Variants in GPC5 observed in about 807,000 individuals in gnomAD.
GPC5 encodes glypican 5, also known as glypican-5.
In GPC5, 47 loss-of-function variants were observed where a neutral mutation model predicts 53.9. The ratio of observed to expected loss-of-function variants is 0.87; its 90% CI spans 0.69 to 1.11. The LOEUF (loss-of-function observed/expected upper bound fraction) is 1.11. Ranked by LOEUF, GPC5 falls within the 50% of genes most tolerant of loss-of-function variation. The pLI is 0.00. For synonymous variants in GPC5, 286 were observed against 263.3 expected (o/e 1.09, Z -0.84); for missense variants, 748 against 713.1 (o/e 1.05, Z -0.56).
chr13:92,345,087 ATGTT>A (rs1426037974), intron 7 of GPC5, among the ~76,000 whole-genome samples: 2 of 152,194 alleles, frequency 1.3e-5, no homozygotes, highest in Non-Finnish European at 2.9e-5. Flanking sequence ...CAAGAGAAAA[ATGTT>A]AGTAATATTA....
chr13:92,069,252 CTG>C (rs1364109148), intron 6 of GPC5, among the ~76,000 whole-genome samples: 1 of 151,948 alleles, frequency 6.6e-6, no homozygotes, highest in African/African-American at 2.4e-5. Flanking sequence ...ACAAACAACA[CTG>C]AATTAATATA....
intron 2 of GPC5, among the ~76,000 whole-genome samples, chr13:91,661,763 G>A (rs1473506286): frequency 6.6e-6 from 1 of 152,144 alleles, no homozygotes; most frequent in African/African-American, 2.4e-5. Context: ...TTAAAGGACT[G>A]TAAGGAAGCC....
At chr13:92,788,387 C>T (rs1233332310) in intron 7 of GPC5, among the ~76,000 whole-genome samples, 1 of 151,852 alleles carries the variant, frequency 6.6e-6, no homozygotes, top group Non-Finnish European at 1.5e-5. Flanking sequence ...AAAAATTGAC[C>T]ATATTATAGG....
intron 7 of GPC5, among the ~76,000 whole-genome samples, chr13:92,333,669 G>A (rs1055069028): frequency 4.6e-5 from 7 of 152,088 alleles, no homozygotes; most frequent in South Asian, 2.1e-4. Context: ...TTGAAGACCC[G>A]TTTACAGCAG....
chr13:92,726,066 A>G (rs1445946861), intron 7 of GPC5, among the ~76,000 whole-genome samples: 2 of 151,490 alleles, frequency 1.3e-5, no homozygotes, highest in Non-Finnish European at 3.0e-5. Context: ...TATTTTTGAC[A>G]CAAGCTTCAG....
At chr13:91,457,767 G>A (rs1199525886) in intron 2 of GPC5, among the ~76,000 whole-genome samples, 1 of 152,072 alleles carries the variant, frequency 6.6e-6, no homozygotes, top group Non-Finnish European at 1.5e-5. Context: ...TAGTGCCTAG[G>A]GAGAAAGTAC....
At chr13:91,761,164 A>G (rs2037402740) in intron 5 of GPC5, among the ~76,000 whole-genome samples, 1 of 152,138 alleles carries the variant, frequency 6.6e-6, no homozygotes, top group South Asian at 2.1e-4. Context: ...CTTAATTACC[A>G]GGGCTTCCTT....
chr13:92,593,775 G>A (rs1883786057), intron 7 of GPC5, among the ~76,000 whole-genome samples: 1 of 152,122 alleles, frequency 6.6e-6, no homozygotes, highest in African/African-American at 2.4e-5. Context: ...TCAAGAAGGA[G>A]ACAATCAACA....
At position 92,243,749 on chromosome 13, in the gene GPC5, C is replaced by T. The variant is rs965028097; in HGVS notation, c.1561+98760C>T. On this transcript the variant is annotated intron_variant, in intron 7 of 7. Coordinates refer to ENST00000377067, the MANE Select transcript of GPC5 (RefSeq NM_004466.6). ...AATTCAAGAGCCTGGAATTAATAGACGATGTCTGTGTTAAAGATATAAATT... is the reference window on the plus strand; with the variant it reads ...AATTCAAGAGCCTGGAATTAATAGATGATGTCTGTGTTAAAGATATAAATT... Among the ~76,000 whole-genome samples, 4 of 152,134 alleles carry T rather than the reference C, an allele frequency of 2.6e-5. 1 individual carries two copies. The highest frequency in any genetic ancestry group is 1.9e-4 in the East Asian group (1 of 5,184).
chr13:91,574,690 T>A (rs2032069634), intron 2 of GPC5, among the ~76,000 whole-genome samples: 1 of 152,034 alleles, frequency 6.6e-6, no homozygotes, highest in East Asian at 1.9e-4. Context: ...ATCACTTGAT[T>A]TTATTTTACC....
At chr13:92,362,463 A>G (rs994471121) in intron 7 of GPC5, among the ~76,000 whole-genome samples, 14 of 151,930 alleles carry the variant, frequency 9.2e-5, no homozygotes, top group African/African-American at 2.9e-4. Flanking sequence ...CCAACAAGGG[A>G]GGCAAACATG....
At chr13:91,634,731 G>C (rs574051072) in intron 2 of GPC5, among the ~76,000 whole-genome samples, 1 of 152,094 alleles carries the variant, frequency 6.6e-6, no homozygotes, top group Non-Finnish European at 1.5e-5. Flanking sequence ...CCAATTATGT[G>C]AGCATCGTGA....
chr13:92,344,034 C>T (rs563472318), intron 7 of GPC5, among the ~76,000 whole-genome samples: 1 of 151,992 alleles, frequency 6.6e-6, no homozygotes, highest in Non-Finnish European at 1.5e-5. Context: ...CAAACCTCAA[C>T]ATTTGGGGAG....
In GPC5 at chr13:91,681,780, A is replaced by G. The variant is rs1288274059; in HGVS notation, c.326-11407A>G. Among the ~76,000 whole-genome samples, 7 of 152,310 alleles carry G rather than the reference A, an allele frequency of 4.6e-5. No individual in the cohort carries two copies. In the East Asian group the frequency reaches 9.7e-4, roughly 21 times the overall value. On this transcript the variant is annotated intron_variant, in intron 2 of 7. Transcript: ENST00000377067. ...AAAATTTCCAGCTGAGTTGACTTCA[A>G]TGCAACACATAGCTTTCTCTTTATT...
At chr13:92,535,203 T>C (rs1881685769) in intron 7 of GPC5, among the ~76,000 whole-genome samples, 1 of 152,108 alleles carries the variant, frequency 6.6e-6, no homozygotes, top group South Asian at 2.1e-4. Context: ...TCTCCCTTTG[T>C]TGTTTCTTCT....
At chr13:91,520,663 G>T (rs1594201937) in intron 2 of GPC5, among the ~76,000 whole-genome samples, 1 of 150,064 alleles carries the variant, frequency 6.7e-6, no homozygotes, top group Admixed American at 6.6e-5. Context: ...TATATGTGTG[G>T]GTATATATGT....
At chr13:92,762,003 A>G (rs1875195008) in intron 7 of GPC5, among the ~76,000 whole-genome samples, 1 of 152,142 alleles carries the variant, frequency 6.6e-6, no homozygotes, top group Admixed American at 6.6e-5. Context: ...TCACCACTGG[A>G]TGTGCCTTAG....
intron 2 of GPC5, among the ~76,000 whole-genome samples, chr13:91,583,012 A>C (rs2032425406): frequency 6.6e-6 from 1 of 151,704 alleles, no homozygotes; most frequent in Admixed American, 6.6e-5. Context: ...AAAATAAATA[A>C]ATAAATAAAT....
intron 5 of GPC5, among the ~76,000 whole-genome samples, chr13:91,827,790 T>C (rs946490709): frequency 2.6e-5 from 4 of 152,066 alleles, no homozygotes; most frequent in African/African-American, 7.2e-5. Flanking sequence ...GACACTTTCT[T>C]ATAGTTATAC....
Sources: allele counts gnomAD v4.1 joint callset (sites outside exome capture counted in the v4.1 genomes callset), GRCh38; gene constraint gnomAD v4.1.1; transcripts MANE v1.5; gene names NCBI Gene and HGNC (gene_info 2026-07-23, HGNC 2026-07-21).